Variants in MYOM2 observed in about 807,000 individuals in gnomAD.
The protein encoded by MYOM2 is myomesin-2.
MYOM2 carries 254 observed loss-of-function variants against 187.6 expected under a neutral mutation model. That is an observed-to-expected ratio of 1.35 (90% CI 1.22 to 1.50). The LOEUF (loss-of-function observed/expected upper bound fraction) is 1.50, where lower values mean the gene tolerates loss of function less well. Among genes scored for constraint, MYOM2 ranks in the 40% most tolerant of loss-of-function variants. The pLI is 0.00. For missense variants in MYOM2, 2,796 were observed against 1,924.0 expected, an observed-to-expected ratio of 1.45 and a Z score of -8.48; for synonymous variants, 981 against 753.8, an observed-to-expected ratio of 1.30 and a Z score of -4.94.
intron 28 of MYOM2, among the ~76,000 whole-genome samples, chr8:2,119,758 G>A (rs79777975): frequency 2.6e-5 from 4 of 152,222 alleles, no homozygotes; most frequent in East Asian, 3.9e-4. Context: ...GGTGAAGGAA[G>A]GGGAGCACAT....
At chr8:2,067,737 C>G (rs1819064028) in intron 6 of MYOM2, among the ~76,000 whole-genome samples, 2 of 128,524 alleles carry the variant, frequency 1.6e-5, no homozygotes, top group African/African-American at 5.7e-5. Flanking sequence ...CTGGCTATTC[C>G]TAAGTCATGT....
intron 14 of MYOM2, 126 bp downstream of exon 14, chr8:2,085,516 C>T (rs1407262622): frequency 4.6e-6 from 3 of 649,116 alleles, no homozygotes; most frequent in East Asian, 4.1e-5. Context: ...CTCCGCGTGG[C>T]CCCCCACTGT....
chr8:2,086,303 GCCCC>G (rs1239611042), intron 14 of MYOM2, among the ~76,000 whole-genome samples: 2 of 128,012 alleles, frequency 1.6e-5, no homozygotes, highest in Non-Finnish European at 3.3e-5. Context: ...TCTCCGCGTG[GCCCC>G]CCACAGTCGT....
intron 1 of MYOM2, among the ~76,000 whole-genome samples, chr8:2,050,345 C>T (rs574517977): frequency 1.3e-5 from 2 of 152,316 alleles, no homozygotes; most frequent in South Asian, 2.1e-4. Flanking sequence ...TTCTACCTGC[C>T]CCGGGCTCTT....
chr8:2,130,613 G>A (rs568138195), intron 32 of MYOM2, among the ~76,000 whole-genome samples: 188 of 152,232 alleles, frequency 1.2e-3, no homozygotes, highest in Non-Finnish European at 2.2e-3. Context: ...TTTTGACATA[G>A]TGTGCTTTTT....
At chr8:2,128,246 C>T (rs1277044052) in intron 31 of MYOM2, among the ~76,000 whole-genome samples, 2 of 152,138 alleles carry the variant, frequency 1.3e-5, no homozygotes, top group Non-Finnish European at 2.9e-5. Context: ...CCTAGAAGCA[C>T]AATAACTATG....
rs116380476 is a variant in MYOM2, at chr8:2,139,722, T to A, written c.3801-1001T>A. Among the ~76,000 whole-genome samples, 192 of 152,212 alleles carry A rather than the reference T, an allele frequency of 1.3e-3. 3 individuals are homozygous for A. The highest frequency in any genetic ancestry group is 4.5e-3 in the African/African-American group (188 of 41,522). ...TTGGGTGGCCCTGGAGTCCGTCCTG[T>A]TTTCATGCACCTGTGACTATGACTT... On this transcript the variant is annotated intron_variant, in intron 32 of 36. Coordinates refer to ENST00000262113, the MANE Select transcript of MYOM2 (RefSeq NM_003970.4).
At chr8:2,132,456 T>A (rs539641377) in intron 32 of MYOM2, among the ~76,000 whole-genome samples, 1 of 152,290 alleles carries the variant, frequency 6.6e-6, no homozygotes, top group Admixed American at 6.5e-5. Context: ...GAGAAAAGAT[T>A]TTGTTCTCTT....
intron 16 of MYOM2, among the ~76,000 whole-genome samples, chr8:2,092,844 T>C (rs1796355919): frequency 6.6e-6 from 1 of 152,170 alleles, no homozygotes; most frequent in Admixed American, 6.5e-5. Context: ...GATGTGAAAG[T>C]CGTTTTATTT....
Position 2,080,471 on chromosome 8 carries a change from A to G in MYOM2, c.1516+858A>G, listed in dbSNP as rs1178338053. On this transcript the variant is annotated intron_variant, in intron 13 of 36. Transcript: ENST00000262113. ...TATGTCCCTATGTTTCCCATGAGGG[A>G]CATAAACTCCCAAAAGAAGACCGTT... is the stretch of plus-strand genomic sequence containing the variant. Among the ~76,000 whole-genome samples the G allele has an allele frequency of 2.0e-5, 3 of 152,212 alleles. No individual in the cohort carries two copies. The East Asian group carries it at 5.8e-4, about 29-fold the overall frequency.
At chr8:2,141,111 G>C (rs1340366390) in intron 33 of MYOM2, 30 bp from the exon 34 acceptor site, 3 of 1,602,764 alleles carry the variant, frequency 1.9e-6, no homozygotes, top group Non-Finnish European at 2.6e-6. Flanking sequence ...CACTGAAATG[G>C]TTAGTAACGT....
chr8:2,060,994 A>G (rs930792925), intron 6 of MYOM2, among the ~76,000 whole-genome samples: 45 of 152,154 alleles, frequency 3.0e-4, no homozygotes, highest in African/African-American at 1.1e-3. Flanking sequence ...GAGCCTCCCC[A>G]GCAGGGTTCT....
chr8:2,134,628 C>T (rs990768630), intron 32 of MYOM2, among the ~76,000 whole-genome samples: 18 of 152,092 alleles, frequency 1.2e-4, no homozygotes, highest in Non-Finnish European at 2.2e-4. Flanking sequence ...CTGGCCTCTC[C>T]TCTGTGCATC....
At chr8:2,103,094 T>C (rs1796767094) in intron 21 of MYOM2, among the ~76,000 whole-genome samples, 1 of 146,556 alleles carries the variant, frequency 6.8e-6, no homozygotes, top group Non-Finnish European at 1.5e-5. Context: ...GGTGTATGGA[T>C]AAATGCATGT....
At position 2,140,843 on chromosome 8, in the gene MYOM2, T is replaced by A. The variant is rs769921447; in HGVS notation, c.3921T>A (p.Asp1307Glu). The change falls in exon 33 of 37, where the codon GAT becomes GAA. Residue 1307 changes from aspartate (D) to glutamate (E), a missense_variant. Physicochemically the swap from Asp to Glu is conservative, Grantham distance 45. Coordinates refer to ENST00000262113, the MANE Select transcript of MYOM2 (RefSeq NM_003970.4). The part of the protein sequence containing the change: ...DKGKYTFEIF[D>E]GKDNHQRSLD... ...GAAAATACACTTTTGAGATTTTCGA[T>A]GGCAAAGACAACCATCAACGCTCCC... 6.2e-7 allele frequency: 1 copy of A among 1,614,036 alleles called. No individual in the cohort carries two copies. The highest frequency in any genetic ancestry group is 1.3e-5 in the African/African-American group (1 of 74,948).
At chr8:2,089,097 A>T (rs1796196999) in intron 14 of MYOM2, among the ~76,000 whole-genome samples, 1 of 101,028 alleles carries the variant, frequency 9.9e-6, no homozygotes, top group South Asian at 5.0e-4. Context: ...TGATTTCTAG[A>T]AGTCTGGGTT....
intron 31 of MYOM2, among the ~76,000 whole-genome samples, chr8:2,125,735 G>A (rs568479538): frequency 1.4e-5 from 2 of 147,948 alleles, no homozygotes; most frequent in East Asian, 4.2e-4. Context: ...AGTCTCCAGA[G>A]TAGCTGGGAC....
chr8:2,063,444 G>T (rs997389883), intron 6 of MYOM2, among the ~76,000 whole-genome samples: 1 of 152,128 alleles, frequency 6.6e-6, no homozygotes, highest in Non-Finnish European at 1.5e-5. Context: ...TGTTTTATAT[G>T]CTCATAAGAT....
At chr8:2,062,549 G>T (rs901991299) in intron 6 of MYOM2, among the ~76,000 whole-genome samples, 5 of 152,176 alleles carry the variant, frequency 3.3e-5, no homozygotes, top group African/African-American at 7.2e-5. Context: ...GGCCTGGGTT[G>T]GGCAGTGGAG....
Sources: gnomAD v4.1 joint callset for allele counts (sites outside exome capture counted in the v4.1 genomes callset) on GRCh38, gnomAD v4.1.1 for gene constraint, MANE v1.5 for transcripts, NCBI Gene and HGNC (gene_info 2026-07-23, HGNC 2026-07-21) for gene names.